CNTN5: variants seen among roughly 807,000 people sequenced by gnomAD.
CNTN5 encodes the protein contactin-5.
A neutral mutation model predicts 129.1 loss-of-function variants in CNTN5; 77 were observed. The ratio of observed to expected loss-of-function variants is 0.60; its 90% CI spans 0.50 to 0.72. The LOEUF (loss-of-function observed/expected upper bound fraction) is 0.72. CNTN5 is among the 30% of genes least tolerant of loss of function. The probability of loss-of-function intolerance (pLI) is 0.00; values close to 1 mark genes in which losing one functional copy is unlikely to be tolerated. For missense variants in CNTN5, 1,478 were observed against 1,328.8 expected (o/e 1.11, Z -1.75); for synonymous variants, 509 against 465.6 (o/e 1.09, Z -1.20).
intron 1 of CNTN5, among the ~76,000 whole-genome samples, chr11:99,128,179 A>G (rs995044362): frequency 6.6e-6 from 1 of 152,186 alleles, no homozygotes; most frequent in Non-Finnish European, 1.5e-5. Flanking sequence ...CCACAAGCTG[A>G]GACCCACTGG....
chr11:100,353,275 G>A (rs995930503), intron 24 of CNTN5, among the ~76,000 whole-genome samples: 8 of 151,520 alleles, frequency 5.3e-5, no homozygotes, highest in Non-Finnish European at 7.4e-5. Context: ...CTCAGAACCT[G>A]AGTCATGATT....
intron 2 of CNTN5, among the ~76,000 whole-genome samples, chr11:99,417,723 A>G (rs1474431194): frequency 6.6e-6 from 1 of 152,138 alleles, no homozygotes; most frequent in Non-Finnish European, 1.5e-5. Context: ...TTGTAAATTC[A>G]TGGTGTCACA....
chr11:100,320,927 T>C (rs1951678837), intron 21 of CNTN5, among the ~76,000 whole-genome samples: 1 of 152,210 alleles, frequency 6.6e-6, no homozygotes, highest in Non-Finnish European at 1.5e-5. Context: ...TATCTGTTTT[T>C]ATACCAATAG....
chr11:99,501,082 G>C (rs1172153477), intron 2 of CNTN5, among the ~76,000 whole-genome samples: 1 of 152,242 alleles, frequency 6.6e-6, no homozygotes, highest in African/African-American at 2.4e-5. Context: ...GTGTGTATGT[G>C]TTCTATTTGT....
chr11:99,826,480 A>G (rs1198550998), intron 4 of CNTN5, among the ~76,000 whole-genome samples: 4 of 152,216 alleles, frequency 2.6e-5, no homozygotes, highest in African/African-American at 4.8e-5. Context: ...TGTTATAGGT[A>G]TCATGACAGA....
At chr11:99,805,439 G>C (rs1946239861) in intron 3 of CNTN5, among the ~76,000 whole-genome samples, 2 of 152,088 alleles carry the variant, frequency 1.3e-5, no homozygotes, top group African/African-American at 4.8e-5. Context: ...TGTTTATATA[G>C]AGAAAAAAAT....
chr11:99,036,153 C>T (rs188523051), intron 1 of CNTN5, among the ~76,000 whole-genome samples: 19 of 152,002 alleles, frequency 1.2e-4, no homozygotes, highest in Non-Finnish European at 1.3e-4. Context: ...TTTCACGTTG[C>T]GTATCGAAAT....
chr11:99,577,826 A>ATTC (rs763639213), intron 3 of CNTN5, among the ~76,000 whole-genome samples: 2 of 131,958 alleles, frequency 1.5e-5, no homozygotes, highest in African/African-American at 5.4e-5. Context: ...ATTTTCTTTT[A>ATTC]TTATTATTAT....
At chr11:99,895,248 C>A (rs1031383376) in intron 6 of CNTN5, among the ~76,000 whole-genome samples, 2 of 152,164 alleles carry the variant, frequency 1.3e-5, no homozygotes, top group South Asian at 4.1e-4. Context: ...TCTGCTAGAC[C>A]TGGGAATTTG....
At chr11:99,411,532 A>G (rs1942391276) in intron 2 of CNTN5, among the ~76,000 whole-genome samples, 1 of 150,796 alleles carries the variant, frequency 6.6e-6, no homozygotes, top group Admixed American at 6.6e-5. Flanking sequence ...AAATAAATAA[A>G]TAAATACAAA....
intron 21 of CNTN5, among the ~76,000 whole-genome samples, chr11:100,323,046 T>C (rs1171086156): frequency 1.3e-5 from 2 of 152,214 alleles, no homozygotes; most frequent in African/African-American, 4.8e-5. Context: ...ATCTCTAAAG[T>C]ATATGCTTTT....
At chr11:100,037,417 G>C (rs949083770) in intron 9 of CNTN5, among the ~76,000 whole-genome samples, 1 of 151,932 alleles carries the variant, frequency 6.6e-6, no homozygotes, top group Admixed American at 6.6e-5. Context: ...AAGGATATTG[G>C]TCTAAAATTC....
intron 9 of CNTN5, among the ~76,000 whole-genome samples, chr11:100,047,122 C>T (rs1055670074): frequency 1.3e-5 from 2 of 151,842 alleles, no homozygotes; most frequent in Non-Finnish European, 2.9e-5. Flanking sequence ...TATGAGTGTA[C>T]AGGGCGGAAA....
intron 7 of CNTN5, among the ~76,000 whole-genome samples, chr11:99,918,374 A>G (rs1949848245): frequency 6.6e-6 from 1 of 152,188 alleles, no homozygotes; most frequent in South Asian, 2.1e-4. Flanking sequence ...ACAAAAAACC[A>G]GTTATACAGA....
chr11:99,262,943 A>C (rs1862709442), intron 1 of CNTN5, among the ~76,000 whole-genome samples: 1 of 152,020 alleles, frequency 6.6e-6, no homozygotes, highest in South Asian at 2.1e-4. Flanking sequence ...TGAAGGCTGG[A>C]TGGGTTTGAA....
At chr11:99,622,055 A>G (rs1426140107) in intron 3 of CNTN5, among the ~76,000 whole-genome samples, 2 of 152,236 alleles carry the variant, frequency 1.3e-5, no homozygotes, top group Non-Finnish European at 1.5e-5. Flanking sequence ...CTAATTGAGT[A>G]TAAGCCCTTA....
chr11:99,790,176 C>T (rs1945688502), intron 3 of CNTN5, among the ~76,000 whole-genome samples: 1 of 151,856 alleles, frequency 6.6e-6, no homozygotes, highest in Non-Finnish European at 1.5e-5. Flanking sequence ...GCCACATTTT[C>T]TTTTTTAAAA....
intron 1 of CNTN5, among the ~76,000 whole-genome samples, chr11:99,203,873 C>T (rs2135640705): frequency 6.6e-6 from 1 of 152,304 alleles, no homozygotes; most frequent in East Asian, 1.9e-4. Flanking sequence ...GCTGGGATTA[C>T]AGGCGTGAGC....
chr11:99,772,042 G>A (rs1228840837), intron 3 of CNTN5, among the ~76,000 whole-genome samples: 3 of 147,220 alleles, frequency 2.0e-5, no homozygotes, highest in Admixed American at 6.9e-5. Flanking sequence ...AATGCTTTGT[G>A]ACAACTGAAC....
Sources: allele counts gnomAD v4.1 joint callset (sites outside exome capture counted in the v4.1 genomes callset), GRCh38; gene constraint gnomAD v4.1.1; transcripts MANE v1.5; gene names NCBI Gene and HGNC (gene_info 2026-07-23, HGNC 2026-07-21).